Variants in BACH2 observed in about 807,000 individuals in gnomAD.
BACH2 encodes BACH transcriptional regulator 2.
Under a neutral mutation model 61.8 loss-of-function variants are expected in BACH2, and 5 were observed. The observed-to-expected ratio is 0.08, with a 90% CI of 0.04 to 0.17. The LOEUF is 0.17. Among genes scored for constraint, BACH2 ranks in the 10% least tolerant of loss-of-function variants. BACH2 has a pLI of 1.00. For synonymous variants in BACH2, 446 were observed against 440.1 expected (o/e 1.01, Z -0.17); for missense variants, 824 against 1,091.1 (o/e 0.76, Z 3.45).
intron 5 of BACH2, among the ~76,000 whole-genome samples, chr6:90,059,310 C>T (rs1371613796): frequency 2.6e-5 from 4 of 152,280 alleles, no homozygotes; most frequent in East Asian, 3.9e-4. Context: ...AACAAGTGGG[C>T]AAAGGATATG....
At chr6:89,995,186 T>C (rs887004925) in intron 6 of BACH2, among the ~76,000 whole-genome samples, 7 of 152,186 alleles carry the variant, frequency 4.6e-5, no homozygotes, top group Non-Finnish European at 7.3e-5. Flanking sequence ...CACTGACTTA[T>C]TGAAGAAATC....
intron 4 of BACH2, among the ~76,000 whole-genome samples, chr6:90,123,695 G>A (rs966971735): frequency 8.8e-5 from 13 of 148,540 alleles, no homozygotes; most frequent in African/African-American, 2.2e-4. Context: ...GCGTGAACCC[G>A]GGAGGCGGAG....
At chr6:90,192,767 T>C (rs2127845188) in intron 4 of BACH2, among the ~76,000 whole-genome samples, 1 of 152,318 alleles carries the variant, frequency 6.6e-6, no homozygotes, top group African/African-American at 2.4e-5. Flanking sequence ...CCCTTGAGAA[T>C]ATATTAGATT....
chr6:90,267,992 T>C (rs1771395692), intron 2 of BACH2, among the ~76,000 whole-genome samples: 3 of 151,156 alleles, frequency 2.0e-5, no homozygotes, highest in East Asian at 3.9e-4. Flanking sequence ...AGCATTTTTT[T>C]CTGCACTTGC....
chr6:90,033,414 C>G (rs1025755425), intron 5 of BACH2, among the ~76,000 whole-genome samples: 2 of 150,792 alleles, frequency 1.3e-5, no homozygotes, highest in African/African-American at 2.4e-5. Flanking sequence ...CTTTTCCTCA[C>G]GCACAGGAAT....
chr6:90,238,031 C>T (rs577857012), intron 3 of BACH2, among the ~76,000 whole-genome samples: 8 of 152,326 alleles, frequency 5.3e-5, no homozygotes, highest in South Asian at 2.1e-4. Flanking sequence ...AGATTAATCT[C>T]GTTTTAGAAA....
intron 5 of BACH2, among the ~76,000 whole-genome samples, chr6:90,013,057 A>C (rs987764225): frequency 6.6e-6 from 1 of 152,090 alleles, no homozygotes; most frequent in Non-Finnish European, 1.5e-5. Context: ...GCAGTCTTTT[A>C]ATTTCAATTT....
chr6:89,932,486 T>C lies in BACH2; in HGVS notation c.2448A>G (p.Gln816=). 6.2e-7 allele frequency: 1 copy of C among 1,614,102 alleles called. No homozygotes were observed. Among genetic ancestry groups the C allele is most frequent in the Middle Eastern group, 1.6e-4 (1 of 6,062 alleles). ...ERGPPLEPRS[Q]TVTVDFCQEM... is the part of the protein sequence containing the mutation. ...CCTGGCAGAAGTCCACGGTCACTGT[T>C]TGGCTCCTGGGTTCAAGAGGAGGTC... The change falls in exon 9 of 9, where the codon CAA becomes CAG. Residue 816 remains glutamine, a synonymous_variant. Coordinates refer to ENST00000257749, the MANE Select transcript of BACH2 (RefSeq NM_021813.4).
intron 5 of BACH2, among the ~76,000 whole-genome samples, chr6:90,077,839 A>G (rs375890945): frequency 6.6e-6 from 1 of 152,282 alleles, no homozygotes; most frequent in East Asian, 1.9e-4. Flanking sequence ...GCATTCTAGG[A>G]AAGTCCTGGA....
rs146384633 is a variant in BACH2 at position 90,013,992 on chromosome 6, C to T, written c.-12-5136G>A. On this transcript the variant is annotated intron_variant, in intron 5 of 8. Coordinates refer to ENST00000257749, the MANE Select transcript of BACH2 (RefSeq NM_021813.4). ...AGAGATGAGGCCTTGCTATGTTGCCCAGGCTGCTCTTGAATTCCTGGCCTC... is the reference window on the plus strand; with the variant it reads ...AGAGATGAGGCCTTGCTATGTTGCCTAGGCTGCTCTTGAATTCCTGGCCTC... Among the ~76,000 whole-genome samples, 713 of 152,008 alleles carry T rather than the reference C, an allele frequency of 4.7e-3. 5 individuals are homozygous for T. The highest frequency in any genetic ancestry group is 8.2e-3 in the Non-Finnish European group (558 of 67,984).
intron 4 of BACH2, among the ~76,000 whole-genome samples, chr6:90,189,711 C>A (rs1211823161): frequency 6.6e-6 from 1 of 151,686 alleles, no homozygotes; most frequent in Non-Finnish European, 1.5e-5. Context: ...TCTTCCCTAC[C>A]AGAAGGAGGA....
At chr6:90,180,422 G>A (rs543589398) in intron 4 of BACH2, among the ~76,000 whole-genome samples, 1 of 152,094 alleles carries the variant, frequency 6.6e-6, no homozygotes, top group East Asian at 1.9e-4. Flanking sequence ...AGTGTTTTTG[G>A]TTACATGAAT....
chr6:90,205,541 C>T (rs1023905922), intron 4 of BACH2, among the ~76,000 whole-genome samples: 10 of 152,190 alleles, frequency 6.6e-5, no homozygotes, highest in African/African-American at 9.7e-5. Flanking sequence ...ATTCAGAAGA[C>T]AGTCTCTCAC....
At chr6:90,178,458 G>A (rs1350657303) in intron 4 of BACH2, among the ~76,000 whole-genome samples, 1 of 152,110 alleles carries the variant, frequency 6.6e-6, no homozygotes, top group Non-Finnish European at 1.5e-5. Context: ...CCCATTTCTG[G>A]GGCGTGTCTA....
intron 4 of BACH2, among the ~76,000 whole-genome samples, chr6:90,148,568 C>A (rs1213000452): frequency 6.6e-6 from 1 of 152,040 alleles, no homozygotes; most frequent in Non-Finnish European, 1.5e-5. Context: ...GGATTCTAGA[C>A]AGATACTTGA....
At chr6:90,144,900 C>T (rs1784568083) in intron 4 of BACH2, among the ~76,000 whole-genome samples, 3 of 152,156 alleles carry the variant, frequency 2.0e-5, no homozygotes. Flanking sequence ...AACTTCTCTT[C>T]CATTTATTTG....
intron 1 of BACH2, among the ~76,000 whole-genome samples, chr6:90,274,391 C>A (rs1197904804): frequency 6.6e-6 from 1 of 152,100 alleles, no homozygotes; most frequent in Non-Finnish European, 1.5e-5. Flanking sequence ...ACTTTTCATA[C>A]CTAAAAAGGG....
chr6:90,102,295 T>G (rs1782664584), intron 4 of BACH2, among the ~76,000 whole-genome samples: 1 of 152,066 alleles, frequency 6.6e-6, no homozygotes, highest in Admixed American at 6.5e-5. Flanking sequence ...GGATACATGG[T>G]GAGACACGAA....
intron 6 of BACH2, among the ~76,000 whole-genome samples, chr6:89,999,814 G>A (rs879213501): frequency 2.0e-5 from 3 of 152,142 alleles, no homozygotes; most frequent in Non-Finnish European, 4.4e-5. Flanking sequence ...ATGCAAACAA[G>A]TTTACTTTCA....
Sources: allele counts gnomAD v4.1 joint callset (sites outside exome capture counted in the v4.1 genomes callset), GRCh38; gene constraint gnomAD v4.1.1; transcripts MANE v1.5; gene names NCBI Gene and HGNC (gene_info 2026-07-23, HGNC 2026-07-21).